Variants in SLC41A2 observed in about 807,000 individuals in gnomAD.
SLC41A2 encodes SLC41A1-like 1.
SLC41A2 carries 32 observed loss-of-function variants against 58.3 expected under a neutral mutation model. That is an observed-to-expected ratio of 0.55 (90% CI 0.41 to 0.74). SLC41A2 has a LOEUF of 0.74. Among genes scored for constraint, SLC41A2 ranks in the 30% least tolerant of loss-of-function variants. The probability of loss-of-function intolerance (pLI) is 0.00; values close to 1 mark genes in which losing one functional copy is unlikely to be tolerated. For missense variants in SLC41A2, 514 were observed against 680.6 expected (o/e 0.76, Z 2.72); for synonymous variants, 190 against 235.0 (o/e 0.81, Z 1.75).
intron 7 of SLC41A2, among the ~76,000 whole-genome samples, chr12:104,865,271 T>C (rs2043386269): frequency 1.3e-5 from 2 of 152,194 alleles, no homozygotes; most frequent in Admixed American, 1.3e-4. Context: ...AGTCTTGCTA[T>C]TTGTCACACA....
intron 2 of SLC41A2, among the ~76,000 whole-genome samples, chr12:104,911,561 A>G (rs760410254): frequency 1.3e-5 from 2 of 152,250 alleles, no homozygotes; most frequent in Non-Finnish European, 2.9e-5. Context: ...AAAAGTATCA[A>G]AAATATACAT....
intron 3 of SLC41A2, among the ~76,000 whole-genome samples, chr12:104,908,249 C>G (rs2045936313): frequency 6.6e-6 from 1 of 152,126 alleles, no homozygotes; most frequent in Admixed American, 6.6e-5. Flanking sequence ...TGGGCAACAA[C>G]AAGATTCCGT....
chr12:104,954,923 C>A (rs78153844), intron 1 of SLC41A2, among the ~76,000 whole-genome samples: 1 of 151,388 alleles, frequency 6.6e-6, no homozygotes, highest in Non-Finnish European at 1.5e-5. Flanking sequence ...CCTGAACCTT[C>A]TAGGCCCATT....
intron 2 of SLC41A2, among the ~76,000 whole-genome samples, chr12:104,923,247 A>T: frequency 6.8e-6 from 1 of 147,714 alleles, no homozygotes; most frequent in Non-Finnish European, 1.5e-5. Flanking sequence ...CTGTAGTCCC[A>T]GCTACTCAGG....
At chr12:104,830,135 C>G (rs1001423971) in intron 10 of SLC41A2, among the ~76,000 whole-genome samples, 1 of 152,188 alleles carries the variant, frequency 6.6e-6, no homozygotes, top group African/African-American at 2.4e-5. Context: ...TCTCCTGTGA[C>G]TGGGGAGTTG....
chr12:104,876,264 T>C (rs998278642), intron 6 of SLC41A2, among the ~76,000 whole-genome samples: 5 of 152,158 alleles, frequency 3.3e-5, no homozygotes, highest in African/African-American at 1.2e-4. Flanking sequence ...TTATTTCTGC[T>C]CTGGTCTTTA....
At chr12:104,927,258 CA>C (rs2046880311) in intron 2 of SLC41A2, among the ~76,000 whole-genome samples, 1 of 152,016 alleles carries the variant, frequency 6.6e-6, no homozygotes, top group African/African-American at 2.4e-5. Flanking sequence ...CCTATGAAAA[CA>C]TTACTATATG....
chr12:104,940,344 G>T (rs966416117), intron 1 of SLC41A2, among the ~76,000 whole-genome samples: 1 of 74,214 alleles, frequency 1.3e-5, no homozygotes, highest in Non-Finnish European at 2.6e-5. Context: ...TTTTAAAAAG[G>T]CTCACCTGGG....
chr12:104,861,385 A>G lies in SLC41A2; in HGVS notation c.1176-15T>C. ...GGCCCCCAATGCTGAAAGAGATAAA[A>G]TTATATAATTTAGAGAAGAGGGAAG... On this transcript the variant is annotated splice_polypyrimidine_tract_variant and intron_variant, in intron 7 of 10. Transcript: ENST00000258538. 3 of 1,587,382 alleles carry G rather than the reference A, an allele frequency of 1.9e-6. No individual in the cohort carries two copies.
At chr12:104,878,384 A>T (rs2044170919) in intron 6 of SLC41A2, among the ~76,000 whole-genome samples, 1 of 151,260 alleles carries the variant, frequency 6.6e-6, no homozygotes, top group African/African-American at 2.4e-5. Context: ...ACATACGTAT[A>T]CATGTGCCAT....
chr12:104,867,945 A>C (rs977111125), intron 6 of SLC41A2, among the ~76,000 whole-genome samples: 1 of 152,100 alleles, frequency 6.6e-6, no homozygotes, highest in Admixed American at 6.5e-5. Context: ...CATATCATGT[A>C]GGAATAAGCA....
intron 1 of SLC41A2, among the ~76,000 whole-genome samples, chr12:104,935,812 C>T (rs1458714460): frequency 6.6e-6 from 1 of 152,060 alleles, no homozygotes; most frequent in South Asian, 2.1e-4. Context: ...GGAGGCCATG[C>T]TAGGTGGATC....
chr12:104,813,487 T>C (rs1379997486), intron 10 of SLC41A2, among the ~76,000 whole-genome samples: 1 of 151,836 alleles, frequency 6.6e-6, no homozygotes, highest in Non-Finnish European at 1.5e-5. Flanking sequence ...TAAAGCAAAA[T>C]TAGCAATCCA....
At chr12:104,913,635 C>T (rs1390329363) in intron 2 of SLC41A2, among the ~76,000 whole-genome samples, 5 of 152,162 alleles carry the variant, frequency 3.3e-5, no homozygotes, top group East Asian at 3.8e-4. Flanking sequence ...TTCCTATTTC[C>T]TTTTTCCCCT....
At chr12:104,942,743 G>A (rs577264794) in intron 1 of SLC41A2, among the ~76,000 whole-genome samples, 1 of 152,200 alleles carries the variant, frequency 6.6e-6, no homozygotes, top group East Asian at 1.9e-4. Flanking sequence ...CTCATCTAAT[G>A]TTATACTCCT....
chr12:104,846,918 T>C (rs1258457801), intron 8 of SLC41A2, among the ~76,000 whole-genome samples: 1 of 152,160 alleles, frequency 6.6e-6, no homozygotes, highest in Non-Finnish European at 1.5e-5. Flanking sequence ...GCATAAATAA[T>C]ATTTATCTCA....
chr12:104,863,081 TA>T (rs1358710470), intron 7 of SLC41A2, among the ~76,000 whole-genome samples: 2 of 152,260 alleles, frequency 1.3e-5, no homozygotes, highest in Non-Finnish European at 2.9e-5. Context: ...AATTAAATGA[TA>T]AAAGTAGTTT....
chr12:104,882,270 C>T (rs988789149), intron 6 of SLC41A2, among the ~76,000 whole-genome samples: 3 of 152,084 alleles, frequency 2.0e-5, no homozygotes, highest in African/African-American at 7.2e-5. Context: ...ACTCTTTATC[C>T]AATTTGCCAG....
At chr12:104,895,392 T>G (rs1030131355) in intron 3 of SLC41A2, 47 bp from the exon 4 acceptor site, 18 of 1,352,168 alleles carry the variant, frequency 1.3e-5, no homozygotes, top group African/African-American at 2.9e-5. Context: ...AATCTACATG[T>G]TCTCTGCTGT....
Sources: gnomAD v4.1 joint callset for allele counts (sites outside exome capture counted in the v4.1 genomes callset) on GRCh38, gnomAD v4.1.1 for gene constraint, MANE v1.5 for transcripts, NCBI Gene and HGNC (gene_info 2026-07-23, HGNC 2026-07-21) for gene names.